GPM6A: variants seen among roughly 807,000 people sequenced by gnomAD.
The protein encoded by GPM6A is glycoprotein M6A.
A neutral mutation model predicts 32.1 loss-of-function variants in GPM6A; 7 were observed. That is an observed-to-expected ratio of 0.22 (90% CI 0.12 to 0.41). The LOEUF is 0.41. Ranked by LOEUF, GPM6A falls within the 10% of genes least tolerant of loss-of-function variation. The pLI, the probability that GPM6A is intolerant of heterozygous loss-of-function variation, is 1.00. For missense variants in GPM6A, 235 were observed against 347.2 expected (o/e 0.68, Z 2.57); for synonymous variants, 130 against 123.4 (o/e 1.05, Z -0.35).
chr4:175,999,373 C>CAACT (rs1267331244), intron 1 of GPM6A, among the ~76,000 whole-genome samples: 1 of 152,048 alleles, frequency 6.6e-6, no homozygotes, highest in African/African-American at 2.4e-5. Context: ...TTTTTAGTAT[C>CAACT]AACTATTTTG....
At chr4:175,812,731 T>C (rs141571042), upstream of GPM6A, 57 of 985,530 alleles carry the variant, frequency 5.8e-5, 1 homozygote, top group East Asian at 5.8e-3. Context: ...CAACCCGTAA[T>C]TCCCCCCTTC....
intron 1 of GPM6A, among the ~76,000 whole-genome samples, chr4:175,913,234 C>T (rs2111511584): frequency 6.6e-6 from 1 of 152,264 alleles, no homozygotes; most frequent in African/African-American, 2.4e-5. Flanking sequence ...GGAAAATTCA[C>T]ATCTATAAAA....
At chr4:175,917,772 TG>T (rs1276412378) in intron 1 of GPM6A, among the ~76,000 whole-genome samples, 1 of 151,874 alleles carries the variant, frequency 6.6e-6, no homozygotes, top group Non-Finnish European at 1.5e-5. Flanking sequence ...TAATACCAAA[TG>T]GCTTAAGAAA....
intron 1 of GPM6A, among the ~76,000 whole-genome samples, chr4:175,938,573 C>T (rs1029932869): frequency 2.0e-5 from 3 of 151,940 alleles, no homozygotes; most frequent in Non-Finnish European, 4.4e-5. Flanking sequence ...CTGTTCATAT[C>T]CTTCACCCAC....
intron 2 of GPM6A, among the ~76,000 whole-genome samples, chr4:175,689,184 A>T (rs1336656786): frequency 6.6e-6 from 1 of 152,144 alleles, no homozygotes; most frequent in Non-Finnish European, 1.5e-5. Context: ...GATTGTTTTG[A>T]CTATTTGGAG....
At chr4:175,901,536 C>G (rs1737966402) in intron 1 of GPM6A, among the ~76,000 whole-genome samples, 1 of 150,146 alleles carries the variant, frequency 6.7e-6, no homozygotes, top group Admixed American at 6.7e-5. Context: ...AGCTAGGATA[C>G]AGAATTATCA....
upstream of GPM6A, chr4:175,812,318 T>C: frequency 7.3e-7 from 1 of 1,361,510 alleles, no homozygotes; most frequent in South Asian, 1.7e-5. Context: ...TTTTTTTTTT[T>C]TTTTTTTTTT....
intron 5 of GPM6A, 112 bp from the exon 6 acceptor site, chr4:175,640,306 C>T: frequency 1.2e-6 from 1 of 810,186 alleles, no homozygotes. Context: ...TAAAAGCGAG[C>T]CTGTGATAAA....
At chr4:175,729,037 G>A (rs1445882588) in intron 1 of GPM6A, among the ~76,000 whole-genome samples, 1 of 152,166 alleles carries the variant, frequency 6.6e-6, no homozygotes, top group Non-Finnish European at 1.5e-5. Context: ...TACATGGCTT[G>A]TAATGTGTGC....
At chr4:175,695,279 C>T (rs1744515008) in intron 2 of GPM6A, among the ~76,000 whole-genome samples, 2 of 152,188 alleles carry the variant, frequency 1.3e-5, no homozygotes, top group Admixed American at 1.3e-4. Flanking sequence ...AAGAGGGCTA[C>T]CATCCTCTAG....
chr4:175,857,118 T>C (rs1736442380), intron 1 of GPM6A, among the ~76,000 whole-genome samples: 1 of 152,230 alleles, frequency 6.6e-6, no homozygotes, highest in Admixed American at 6.5e-5. Context: ...TTCTCTGTAC[T>C]ATCTTCTCAA....
intron 1 of GPM6A, among the ~76,000 whole-genome samples, chr4:175,949,088 C>G (rs1366385988): frequency 6.6e-6 from 1 of 151,548 alleles, no homozygotes; most frequent in African/African-American, 2.4e-5. Flanking sequence ...AAAAAAAGCT[C>G]CTAAAATGAG....
chr4:175,736,827 C>T lies in GPM6A; in HGVS notation c.38-35060G>A, dbSNP rs147970993. On this transcript the variant is annotated intron_variant, in intron 1 of 6. Transcript: ENST00000393658. ...AGAGACAGCATATATGACTGTGGAT[C>T]GGTAAGATTATAATGTAGCTGAAAA... 5.8e-3 allele frequency among the ~76,000 whole-genome samples: 887 copies of T among 152,204 alleles called. 7 individuals are homozygous for T. The highest frequency in any genetic ancestry group is 0.02 in the Middle Eastern group (6 of 294).
chr4:175,933,495 T>C (rs1394032999), intron 1 of GPM6A, among the ~76,000 whole-genome samples: 2 of 152,194 alleles, frequency 1.3e-5, no homozygotes, highest in African/African-American at 2.4e-5. Context: ...TCCTCTCCTG[T>C]GTCGATAGTG....
At chr4:175,635,761 G>T (rs1339142285) in intron 6 of GPM6A, among the ~76,000 whole-genome samples, 1 of 152,022 alleles carries the variant, frequency 6.6e-6, no homozygotes, top group African/African-American at 2.4e-5. Context: ...CCGCTTATTT[G>T]TTTTTCTTTT....
At chr4:175,976,883 G>T (rs1169701388) in intron 1 of GPM6A, among the ~76,000 whole-genome samples, 1 of 152,116 alleles carries the variant, frequency 6.6e-6, no homozygotes. Flanking sequence ...AGCATAAAAG[G>T]ACAGAATTGA....
chr4:175,917,798 G>GA (rs540649966), intron 1 of GPM6A, among the ~76,000 whole-genome samples: 19 of 151,974 alleles, frequency 1.3e-4, no homozygotes, highest in Non-Finnish European at 2.4e-4. Context: ...AACTTAAGGA[G>GA]AAAAAAAGCT....
chr4:175,638,412 C>T (rs538116637), intron 6 of GPM6A, among the ~76,000 whole-genome samples: 54 of 151,808 alleles, frequency 3.6e-4, no homozygotes, highest in African/African-American at 1.2e-3. Flanking sequence ...AGAAAATAAC[C>T]CCCAAATAAT....
chr4:175,766,902 G>A (rs1732993184), intron 1 of GPM6A, among the ~76,000 whole-genome samples: 1 of 152,000 alleles, frequency 6.6e-6, no homozygotes, highest in South Asian at 2.1e-4. Flanking sequence ...TGATCTGCCT[G>A]CCTCGGCCTC....
Sources: allele counts gnomAD v4.1 joint callset (sites outside exome capture counted in the v4.1 genomes callset), GRCh38; gene constraint gnomAD v4.1.1; transcripts MANE v1.5; gene names NCBI Gene and HGNC (gene_info 2026-07-23, HGNC 2026-07-21).